The following SRGAP3 variants were observed in gnomAD, a reference collection of about 807,000 sequenced individuals.
The protein encoded by SRGAP3 is SLIT-ROBO Rho GTPase activating protein 3.
A neutral mutation model predicts 121.1 loss-of-function variants in SRGAP3; 39 were observed. The ratio of observed to expected loss-of-function variants is 0.32; its 90% confidence interval spans 0.25 to 0.42. SRGAP3 has a LOEUF of 0.42. Ranked by LOEUF, SRGAP3 falls within the 10% of genes least tolerant of loss-of-function variation. The pLI is 1.00. For missense variants in SRGAP3, 1,213 were observed against 1,470.6 expected, an observed-to-expected ratio of 0.82 and a Z score of 2.86; for synonymous variants, 601 against 570.0, an observed-to-expected ratio of 1.05 and a Z score of -0.77.
upstream of SRGAP3, among the ~76,000 whole-genome samples, chr3:9,252,645 A>T (rs1954043602): frequency 6.6e-6 from 1 of 152,160 alleles, no homozygotes; most frequent in South Asian, 2.1e-4. Context: ...TCTATCCCCA[A>T]GAAGATGTGG....
At chr3:9,114,532 C>T (rs1047386553) in intron 2 of SRGAP3, among the ~76,000 whole-genome samples, 5 of 152,194 alleles carry the variant, frequency 3.3e-5, no homozygotes, top group South Asian at 2.1e-4. Context: ...GAATGATTCA[C>T]GGGCTCACTG....
chr3:9,254,908 A>G (rs563366075), intron 3 of SRGAP3, among the ~76,000 whole-genome samples: 2 of 149,222 alleles, frequency 1.3e-5, no homozygotes, highest in Middle Eastern at 3.4e-3. Context: ...GGAAGGAAGG[A>G]AGGGAGGGGA....
intron 2 of SRGAP3, among the ~76,000 whole-genome samples, chr3:9,328,104 CTTTAT>C (rs1406375142): frequency 5.3e-5 from 8 of 152,136 alleles, no homozygotes; most frequent in African/African-American, 1.7e-4. Flanking sequence ...GATAAAATGT[CTTTAT>C]TTTATCAATA....
chr3:9,098,391 C>A (rs1402479735), intron 3 of SRGAP3, among the ~76,000 whole-genome samples: 2 of 152,234 alleles, frequency 1.3e-5, no homozygotes. Flanking sequence ...CCTGCCTCAA[C>A]CTCCCGAGTA....
At chr3:9,096,957 AT>A (rs1560138528) in intron 3 of SRGAP3, among the ~76,000 whole-genome samples, 20 of 94,474 alleles carry the variant, frequency 2.1e-4, no homozygotes, top group Non-Finnish European at 3.1e-4. Flanking sequence ...ATATATATAT[AT>A]ATATATATAT....
rs573837332 is a variant in SRGAP3 at position 9,173,116 on chromosome 3, G to A, written c.68-48199C>T. ...GTGATGCTGCTTGCACTGCTGGGAG[G>A]TATGGCCACATCTGGCCCAGCTCTG... is the stretch of plus-strand genomic sequence containing the variant. On this transcript the variant is annotated intron_variant, in intron 1 of 21. Coordinates refer to ENST00000383836, the MANE Select transcript of SRGAP3 (RefSeq NM_014850.4). Among the ~76,000 whole-genome samples, 52 of 152,294 alleles carry A rather than the reference G, an allele frequency of 3.4e-4. 1 individual carries two copies. The South Asian group carries it at 4.6e-3, about 13-fold the overall frequency.
chr3:9,003,672 T>C (rs1044209341), intron 18 of SRGAP3, among the ~76,000 whole-genome samples: 2 of 152,200 alleles, frequency 1.3e-5, no homozygotes, highest in Non-Finnish European at 2.9e-5. Flanking sequence ...TCTTAATAGA[T>C]GAAGAAAAAG....
At chr3:9,026,840 G>T in intron 13 of SRGAP3, 95 bp downstream of exon 13, 1 of 1,394,202 alleles carries the variant, frequency 7.2e-7, no homozygotes, top group South Asian at 1.2e-5. Flanking sequence ...GTGACGGGAA[G>T]TCTTCCAGGA....
intron 18 of SRGAP3, among the ~76,000 whole-genome samples, chr3:8,998,257 TG>T (rs1308995312): frequency 6.6e-6 from 1 of 152,232 alleles, no homozygotes; most frequent in Non-Finnish European, 1.5e-5. Flanking sequence ...TACTTCCTAT[TG>T]CTTCTCCCTG....
intron 1 of SRGAP3, chr3:9,193,359 T>G (rs896553660): frequency 2.6e-5 from 4 of 152,308 alleles, no homozygotes; most frequent in Admixed American, 2.6e-4. Flanking sequence ...ACTAACTGAT[T>G]GCTCCTCCTT....
chr3:9,087,488 G>C (rs1947554000), intron 3 of SRGAP3, among the ~76,000 whole-genome samples: 1 of 152,224 alleles, frequency 6.6e-6, no homozygotes, highest in African/African-American at 2.4e-5. Flanking sequence ...GGCCATACAA[G>C]AGTAAAGGAT....
chr3:9,171,285 G>C (rs781277786), intron 1 of SRGAP3, among the ~76,000 whole-genome samples: 32 of 152,230 alleles, frequency 2.1e-4, no homozygotes, highest in Non-Finnish European at 3.8e-4. Context: ...TCCAAGTTCA[G>C]AGGCAGCCTC....
chr3:9,323,306 A>G (rs1955466712), intron 3 of SRGAP3, among the ~76,000 whole-genome samples: 1 of 151,908 alleles, frequency 6.6e-6, no homozygotes, highest in African/African-American at 2.4e-5. Flanking sequence ...TATACCAAAA[A>G]AAGTTAATTT....
chr3:9,256,156 G>A (rs1374145369), intron 3 of SRGAP3, among the ~76,000 whole-genome samples: 1 of 152,080 alleles, frequency 6.6e-6, no homozygotes, highest in Non-Finnish European at 1.5e-5. Context: ...CAGCCATCAG[G>A]ACCTGTCACG....
Position 9,347,641 on chromosome 3 carries a change from A to G in SRGAP3, n.214+15199T>C, listed in dbSNP as rs190521221. 2.7e-3 allele frequency among the ~76,000 whole-genome samples: 416 copies of G among 152,366 alleles called. 2 individuals are homozygous for G. Among genetic ancestry groups the G allele is most frequent in the Non-Finnish European group, 3.8e-3 (259 of 68,028 alleles). ...GAAAAGAGGAGACAGATCTTCCTATATAAGTTACTATCCAAGGAAATGGAG... is the reference window on the plus strand; with the variant it reads ...GAAAAGAGGAGACAGATCTTCCTATGTAAGTTACTATCCAAGGAAATGGAG... On this transcript the variant is annotated intron_variant and non_coding_transcript_variant, in intron 1 of 3. Coordinates refer to the SRGAP3 transcript ENST00000490889.
At chr3:9,055,756 C>T (rs562246035) in intron 8 of SRGAP3, among the ~76,000 whole-genome samples, 140 of 152,324 alleles carry the variant, frequency 9.2e-4, no homozygotes, top group Admixed American at 2.6e-3. Flanking sequence ...CACCCCACAA[C>T]CCAAACATAG....
chr3:9,225,125 A>G (rs1247897010), intron 1 of SRGAP3, among the ~76,000 whole-genome samples: 2 of 152,204 alleles, frequency 1.3e-5, no homozygotes, highest in African/African-American at 4.8e-5. Flanking sequence ...TCTCACCAGC[A>G]GATGACAGAG....
At chr3:9,282,450 G>A (rs1384119313) in intron 3 of SRGAP3, among the ~76,000 whole-genome samples, 3 of 152,042 alleles carry the variant, frequency 2.0e-5, no homozygotes, top group Non-Finnish European at 4.4e-5. Context: ...TCTCATTTCT[G>A]CTTCTCCATT....
chr3:9,305,033 A>G lies in SRGAP3; in HGVS notation n.442+20977T>C, dbSNP rs543829000. Among the ~76,000 whole-genome samples the G allele has an allele frequency of 2.0e-5, 3 of 152,344 alleles. No individual in the cohort carries two copies. The East Asian group carries it at 5.8e-4, about 29-fold the overall frequency. ...TTATGTCAGGGTCCTGAGAACAAAG[A>G]AATGTCAGGTTGGGCCTTCCAGGAA... On this transcript the variant is annotated intron_variant and non_coding_transcript_variant, in intron 3 of 3. Transcript: ENST00000490889.
Sources: gnomAD v4.1 joint callset for allele counts (sites outside exome capture counted in the v4.1 genomes callset) on GRCh38, gnomAD v4.1.1 for gene constraint, MANE v1.5 for transcripts, NCBI Gene and HGNC (gene_info 2026-07-23, HGNC 2026-07-21) for gene names.